Variants in CCDC178 observed in about 807,000 individuals in gnomAD.
CCDC178 encodes coiled-coil domain containing 178.
Under a neutral mutation model 117.4 loss-of-function variants are expected in CCDC178, and 126 were observed. The ratio of observed to expected loss-of-function variants is 1.07; its 90% CI spans 0.93 to 1.24. The LOEUF (loss-of-function observed/expected upper bound fraction) is 1.24, where lower values mean the gene tolerates loss of function less well. Among genes scored for constraint, CCDC178 ranks in the 50% most tolerant of loss-of-function variants. The pLI is 0.00. For synonymous variants in CCDC178, 283 were observed against 313.4 expected (o/e 0.90, Z 1.02); for missense variants, 1,030 against 986.9 (o/e 1.04, Z -0.59).
intron 20 of CCDC178, among the ~76,000 whole-genome samples, chr18:33,181,369 A>G (rs1010278384): frequency 6.6e-6 from 1 of 151,900 alleles, no homozygotes; most frequent in East Asian, 1.9e-4. Flanking sequence ...AACTTCCTTT[A>G]AAAGGGCCCC....
rs776584133 is a variant in CCDC178, at chr18:33,323,552, G to T, written c.961C>A (p.Gln321Lys). 16 of 1,571,814 alleles carry T rather than the reference G, an allele frequency of 1.0e-5. No individual in the cohort carries two copies. The highest frequency in any genetic ancestry group is 4.7e-5 in the East Asian group (2 of 42,766). The change falls in exon 11 of 23, where the codon CAA becomes AAA. Residue 321 changes from glutamine (Q) to lysine (K), a missense_variant. Gln to Lys is a moderately conservative substitution (Grantham distance 53). Coordinates refer to ENST00000383096, the MANE Select transcript of CCDC178 (RefSeq NM_001105528.4). Reference sequence around the variant, plus strand: ...TCCTTATCAATCTCTTCTTTAATTTGCTGAGCCTTCAATCTGGCATTTTCA... The same window carrying T: ...TCCTTATCAATCTCTTCTTTAATTTTCTGAGCCTTCAATCTGGCATTTTCA... ...ACENARLKAQ[Q>K]IKEEIDKDIY...
intron 21 of CCDC178, among the ~76,000 whole-genome samples, chr18:33,049,014 A>G (rs1000045099): frequency 1.3e-5 from 2 of 152,170 alleles, no homozygotes; most frequent in Admixed American, 6.6e-5. Flanking sequence ...AATTGTAGTG[A>G]CACTGGGTTC....
chr18:33,358,515 T>A (rs1374394334), intron 6 of CCDC178, among the ~76,000 whole-genome samples: 2 of 151,884 alleles, frequency 1.3e-5, no homozygotes, highest in Non-Finnish European at 2.9e-5. Flanking sequence ...GTATGATGGA[T>A]ATGGTATGGC....
intron 21 of CCDC178, among the ~76,000 whole-genome samples, chr18:33,054,555 G>T (rs1188725798): frequency 6.6e-6 from 1 of 152,182 alleles, no homozygotes; most frequent in Non-Finnish European, 1.5e-5. Context: ...GTTTGATGAG[G>T]ATAATGGCTT....
intron 11 of CCDC178, among the ~76,000 whole-genome samples, chr18:33,308,922 T>C (rs191120242): frequency 5.9e-5 from 9 of 152,336 alleles, no homozygotes; most frequent in African/African-American, 2.2e-4. Flanking sequence ...TAAACCTCTT[T>C]TCTTTATAAA....
chr18:33,160,411 C>T (rs557927612), intron 20 of CCDC178, among the ~76,000 whole-genome samples: 1 of 152,214 alleles, frequency 6.6e-6, no homozygotes, highest in Non-Finnish European at 1.5e-5. Flanking sequence ...AATGCCTATA[C>T]TGCAAACCAC....
At chr18:33,237,545 T>C (rs56959895) in intron 15 of CCDC178, among the ~76,000 whole-genome samples, 1 of 151,550 alleles carries the variant, frequency 6.6e-6, no homozygotes, top group African/African-American at 2.4e-5. Context: ...CAGCCTCTTG[T>C]CCCTCCCCTC....
chr18:33,203,591 G>A (rs1391559940), intron 20 of CCDC178, among the ~76,000 whole-genome samples: 1 of 151,994 alleles, frequency 6.6e-6, no homozygotes, highest in East Asian at 1.9e-4. Context: ...TTCCACTCTC[G>A]TTCTCTGAAC....
At chr18:33,285,309 T>G (rs1268233938) in intron 12 of CCDC178, among the ~76,000 whole-genome samples, 1 of 152,022 alleles carries the variant, frequency 6.6e-6, no homozygotes, top group East Asian at 1.9e-4. Context: ...GATATGACAA[T>G]TATGTTATTA....
chr18:33,139,682 C>T (rs182542851), intron 20 of CCDC178, among the ~76,000 whole-genome samples: 43 of 152,120 alleles, frequency 2.8e-4, no homozygotes, highest in Non-Finnish European at 4.3e-4. Context: ...GACTTTGGTG[C>T]TGTTAAAGGC....
chr18:32,950,997 C>T (rs1006020036), intron 22 of CCDC178, among the ~76,000 whole-genome samples: 2 of 151,978 alleles, frequency 1.3e-5, no homozygotes, highest in Non-Finnish European at 2.9e-5. Context: ...ACTCATAATC[C>T]ACTATACATT....
chr18:33,102,680 C>T (rs1351895422), intron 20 of CCDC178, among the ~76,000 whole-genome samples: 2 of 151,664 alleles, frequency 1.3e-5, no homozygotes, highest in African/African-American at 4.8e-5. Flanking sequence ...AACCTTGCAA[C>T]GTATCCCAAG....
chr18:33,087,126 G>T (rs1004446140), intron 21 of CCDC178, among the ~76,000 whole-genome samples: 1 of 151,650 alleles, frequency 6.6e-6, no homozygotes, highest in Non-Finnish European at 1.5e-5. Flanking sequence ...CACTCTTAAG[G>T]TGTGGCTAAT....
chr18:33,425,620 G>A (rs1345364964), intron 2 of CCDC178, among the ~76,000 whole-genome samples: 1 of 152,112 alleles, frequency 6.6e-6, no homozygotes, highest in African/African-American at 2.4e-5. Context: ...CTTAGACCAG[G>A]TGTCTGTATC....
chr18:33,401,478 C>A (rs561614084), intron 3 of CCDC178, among the ~76,000 whole-genome samples: 2 of 152,086 alleles, frequency 1.3e-5, no homozygotes, highest in African/African-American at 4.8e-5. Context: ...ATGTTTCTGC[C>A]TTGGTGGATA....
intron 21 of CCDC178, among the ~76,000 whole-genome samples, chr18:32,998,162 T>C (rs1598770338): frequency 6.6e-6 from 1 of 152,158 alleles, no homozygotes; most frequent in Admixed American, 6.5e-5. Flanking sequence ...ATAATCTGTG[T>C]GCTTGGAGGA....
intron 9 of CCDC178, 148 bp from the exon 10 acceptor site, chr18:33,333,542 T>C: frequency 1.9e-6 from 1 of 518,680 alleles, no homozygotes; most frequent in East Asian, 3.4e-5. Context: ...CGAGATGGAG[T>C]TTCGCTCTTG....
intron 9 of CCDC178, 144 bp from the exon 10 acceptor site, chr18:33,333,538 G>A (rs2062701708): frequency 4.1e-6 from 2 of 491,456 alleles, no homozygotes; most frequent in East Asian, 7.1e-5. Flanking sequence ...TTTCCGAGAT[G>A]GAGTTTCGCT....
chr18:33,191,812 A>G (rs190829287), intron 20 of CCDC178, among the ~76,000 whole-genome samples: 1 of 152,304 alleles, frequency 6.6e-6, no homozygotes, highest in East Asian at 1.9e-4. Context: ...TTCCATGGTC[A>G]GGACAAAAAA....
Sources: gnomAD v4.1 joint callset for allele counts (sites outside exome capture counted in the v4.1 genomes callset) on GRCh38, gnomAD v4.1.1 for gene constraint, MANE v1.5 for transcripts, NCBI Gene and HGNC (gene_info 2026-07-23, HGNC 2026-07-21) for gene names.